The following PLXDC2 variants were observed in gnomAD, a reference collection of about 807,000 sequenced individuals.
PLXDC2 encodes plexin domain containing 2.
A neutral mutation model predicts 68.9 loss-of-function variants in PLXDC2; 40 were observed. That is an observed-to-expected ratio of 0.58 (90% CI 0.45 to 0.76). PLXDC2 has a LOEUF of 0.76. Among genes scored for constraint, PLXDC2 ranks in the 30% least tolerant of loss-of-function variants. PLXDC2 has a pLI of 0.00. For missense variants in PLXDC2, 644 were observed against 661.9 expected (o/e 0.97, Z 0.30); for synonymous variants, 243 against 234.2 (o/e 1.04, Z -0.34).
chr10:19,847,773 G>T (rs778820414), intron 1 of PLXDC2, among the ~76,000 whole-genome samples: 1 of 152,132 alleles, frequency 6.6e-6, no homozygotes, highest in African/African-American at 2.4e-5. Context: ...TTATGTTCTT[G>T]TAACACCACT....
chr10:20,243,656 A>AG (rs1420804907), intron 12 of PLXDC2, among the ~76,000 whole-genome samples: 1 of 152,186 alleles, frequency 6.6e-6, no homozygotes, highest in African/African-American at 2.4e-5. Context: ...CTTTAAAAAA[A>AG]GGTAAAATAA....
chr10:19,952,114 A>C (rs1033852016), intron 1 of PLXDC2, among the ~76,000 whole-genome samples: 8 of 152,180 alleles, frequency 5.3e-5, no homozygotes. Context: ...CCCTTGTAGC[A>C]ATCCTGCACA....
rs1029061051 is a variant in PLXDC2 at position 20,197,391 on chromosome 10, C to G, written c.1062-14278C>G. On this transcript the variant is annotated intron_variant, in intron 9 of 13. Coordinates refer to ENST00000377252, the MANE Select transcript of PLXDC2 (RefSeq NM_032812.9). ...TTTGTTTGTTTGAAGGAGTCTTGCT[C>G]TGTCAGCAGGCTGGAGTGCAGTGGC... Among the ~76,000 whole-genome samples the G allele has an allele frequency of 2.0e-5, 3 of 152,128 alleles. No individual in the cohort carries two copies. In the South Asian group the frequency reaches 6.2e-4, roughly 31 times the overall value.
intron 1 of PLXDC2, among the ~76,000 whole-genome samples, chr10:19,957,734 A>G (rs542462600): frequency 3.9e-5 from 6 of 152,134 alleles, no homozygotes; most frequent in Admixed American, 6.5e-5. Flanking sequence ...AAATTCGACC[A>G]TATGTTCTTG....
At chr10:20,046,802 A>T (rs1365181026) in intron 2 of PLXDC2, 67 bp from the exon 3 acceptor site, 1 of 1,460,050 alleles carries the variant, frequency 6.8e-7, no homozygotes, top group Admixed American at 2.3e-5. Flanking sequence ...GTTCAATAGG[A>T]TTTTTTTTAA....
chr10:20,002,012 A>G, intron 2 of PLXDC2, 26 bp downstream of exon 2: 1 of 1,593,548 alleles, frequency 6.3e-7, no homozygotes, highest in Non-Finnish European at 8.6e-7. Context: ...GGGTAATTGA[A>G]ATGGATTAAT....
intron 2 of PLXDC2, among the ~76,000 whole-genome samples, chr10:20,020,177 A>ATTTTTTTTTTTT (rs1564659038): frequency 2.0e-5 from 2 of 98,208 alleles, no homozygotes; most frequent in African/African-American, 8.8e-5. Flanking sequence ...ACACCCAGCA[A>ATTTTTTTTTTTT]ATTTTTTTTT....
chr10:20,280,121 G>C lies in PLXDC2; in HGVS notation c.*302G>C. The C allele has an allele frequency of 3.8e-6, 1 of 263,804 alleles. No homozygotes were observed. Among genetic ancestry groups the C allele is most frequent in the Non-Finnish European group, 7.1e-6 (1 of 140,114 alleles). 16.3% of individuals were successfully genotyped at this position (263,804 alleles called of 1,614,324 possible). ...GTATGACAAGATTATAATGCTTTTGGCTTAGGTGCAGGGTTGCAAAGGGAT... is the reference window on the plus strand; with the variant it reads ...GTATGACAAGATTATAATGCTTTTGCCTTAGGTGCAGGGTTGCAAAGGGAT... On this transcript the variant is annotated 3_prime_UTR_variant, in exon 14 of 14. Transcript: ENST00000377252.
At chr10:20,034,463 G>A (rs755257799) in intron 2 of PLXDC2, among the ~76,000 whole-genome samples, 18 of 152,012 alleles carry the variant, frequency 1.2e-4, no homozygotes, top group Admixed American at 2.0e-4. Flanking sequence ...ACATATTTTC[G>A]TAATTAAAGT....
intron 2 of PLXDC2, among the ~76,000 whole-genome samples, chr10:20,007,022 G>A (rs936438296): frequency 3.9e-5 from 6 of 152,164 alleles, no homozygotes; most frequent in Admixed American, 1.3e-4. Flanking sequence ...ATGAGGTGTC[G>A]GGAAATAGTC....
At chr10:20,240,711 C>CAA (rs202138349) in intron 12 of PLXDC2, among the ~76,000 whole-genome samples, 21,075 of 99,352 alleles carry the variant, frequency 0.21, 2,100 homozygotes, top group Non-Finnish European at 0.24. Context: ...TTGCAGTAGC[C>CAA]AAAAAAAAAA....
chr10:20,072,618 C>T (rs1836355503), intron 4 of PLXDC2, among the ~76,000 whole-genome samples: 1 of 152,064 alleles, frequency 6.6e-6, no homozygotes, highest in Non-Finnish European at 1.5e-5. Context: ...AGAAGTAGAT[C>T]TGGCCTGATC....
intron 1 of PLXDC2, among the ~76,000 whole-genome samples, chr10:19,899,808 T>C (rs1483733660): frequency 6.6e-6 from 1 of 152,164 alleles, no homozygotes; most frequent in Non-Finnish European, 1.5e-5. Flanking sequence ...CCTTTATGTG[T>C]TCATGATATG....
At chr10:20,202,412 G>A (rs1187874147) in intron 9 of PLXDC2, among the ~76,000 whole-genome samples, 1 of 152,150 alleles carries the variant, frequency 6.6e-6, no homozygotes, top group African/African-American at 2.4e-5. Context: ...GAAACTGAAA[G>A]TCAGTGAGGA....
intron 12 of PLXDC2, among the ~76,000 whole-genome samples, chr10:20,240,770 A>G (rs1272982420): frequency 1.3e-5 from 2 of 152,086 alleles, no homozygotes; most frequent in Non-Finnish European, 2.9e-5. Flanking sequence ...CTTTCTCCAA[A>G]ACTATGTGTG....
intron 4 of PLXDC2, among the ~76,000 whole-genome samples, chr10:20,120,606 A>G (rs986897788): frequency 2.6e-5 from 4 of 152,134 alleles, no homozygotes; most frequent in Non-Finnish European, 5.9e-5. Flanking sequence ...GCCTCTACCT[A>G]TCCAGTGAAA....
chr10:20,129,718 T>G (rs1444490968), intron 4 of PLXDC2, among the ~76,000 whole-genome samples: 1 of 152,128 alleles, frequency 6.6e-6, no homozygotes, highest in Non-Finnish European at 1.5e-5. Flanking sequence ...TCCAATTTTA[T>G]TTTTCTACTT....
intron 4 of PLXDC2, among the ~76,000 whole-genome samples, chr10:20,134,909 G>C (rs947984599): frequency 3.3e-5 from 5 of 152,128 alleles, no homozygotes; most frequent in African/African-American, 4.8e-5. Context: ...AGCGAAACTT[G>C]GTGCTGCTCA....
intron 1 of PLXDC2, among the ~76,000 whole-genome samples, chr10:19,856,379 GACACACACACAC>G (rs34129216): frequency 2.8e-5 from 4 of 144,226 alleles, no homozygotes; most frequent in South Asian, 2.3e-4. Flanking sequence ...CACACACACA[GACACACACACAC>G]ACACACACAC....
Sources: gnomAD v4.1 joint callset for allele counts (sites outside exome capture counted in the v4.1 genomes callset) on GRCh38, gnomAD v4.1.1 for gene constraint, MANE v1.5 for transcripts, NCBI Gene and HGNC (gene_info 2026-07-23, HGNC 2026-07-21) for gene names.